SETBP1: variants seen among roughly 807,000 people sequenced by gnomAD.
SETBP1 encodes SET-binding protein.
Under a neutral mutation model 101.0 loss-of-function variants are expected in SETBP1, and 9 were observed. The observed-to-expected ratio is 0.09, with a 90% CI of 0.05 to 0.16. The LOEUF (loss-of-function observed/expected upper bound fraction) is 0.16, where lower values mean the gene tolerates loss of function less well. Among genes scored for constraint, SETBP1 ranks in the 10% least tolerant of loss-of-function variants. The pLI is 1.00. For synonymous variants in SETBP1, 818 were observed against 788.5 expected, an observed-to-expected ratio of 1.04 and a Z score of -0.63; for missense variants, 1,858 against 2,033.8, an observed-to-expected ratio of 0.91 and a Z score of 1.66.
chr18:45,041,191 C>T (rs1307093741), intron 5 of SETBP1, among the ~76,000 whole-genome samples: 1 of 152,180 alleles, frequency 6.6e-6, no homozygotes, highest in African/African-American at 2.4e-5. Context: ...TGAGCAAAGG[C>T]AGATTTTTTT....
chr18:44,761,528 A>G lies in SETBP1; in HGVS notation c.486+59696A>G, dbSNP rs192899067. Among the ~76,000 whole-genome samples the G allele has an allele frequency of 6.4e-4, 97 of 152,348 alleles. 1 individual carries two copies. Among genetic ancestry groups the G allele is most frequent in the African/African-American group, 2.2e-3 (93 of 41,590 alleles). ...ACATGATAGATCATAGCACAGCTAG[A>G]TCAGTCCATGTTGATCCTAACATTC... On this transcript the variant is annotated intron_variant, in intron 2 of 5. Coordinates refer to ENST00000649279, the MANE Select transcript of SETBP1 (RefSeq NM_015559.3).
chr18:44,967,919 G>C (rs1344505209), intron 4 of SETBP1, among the ~76,000 whole-genome samples: 1 of 152,118 alleles, frequency 6.6e-6, no homozygotes, highest in African/African-American at 2.4e-5. Flanking sequence ...GAAGATCCTA[G>C]CATTTTGCCT....
chr18:44,975,820 T>C (rs2071973178), intron 4 of SETBP1, among the ~76,000 whole-genome samples: 1 of 152,082 alleles, frequency 6.6e-6, no homozygotes, highest in Non-Finnish European at 1.5e-5. Flanking sequence ...CTGCAGAAGA[T>C]GGTTTGGGAA....
chr18:44,842,753 C>T (rs2072643421), intron 2 of SETBP1, among the ~76,000 whole-genome samples: 1 of 152,246 alleles, frequency 6.6e-6, no homozygotes, highest in African/African-American at 2.4e-5. Flanking sequence ...CCACACAGTA[C>T]ACACTTCTCT....
chr18:44,797,475 C>G (rs1202384047), intron 2 of SETBP1, among the ~76,000 whole-genome samples: 6 of 152,168 alleles, frequency 3.9e-5, no homozygotes, highest in African/African-American at 7.2e-5. Flanking sequence ...ATGACTTATT[C>G]TCTGTTAACC....
chr18:45,034,341 A>G (rs1411482995), intron 4 of SETBP1, among the ~76,000 whole-genome samples: 1 of 152,160 alleles, frequency 6.6e-6, no homozygotes, highest in African/African-American at 2.4e-5. Context: ...TTAACCTTGA[A>G]CTGAGCTCCA....
intron 2 of SETBP1, among the ~76,000 whole-genome samples, chr18:44,781,505 C>A (rs1204076553): frequency 6.7e-6 from 1 of 149,528 alleles, no homozygotes; most frequent in African/African-American, 2.5e-5. Context: ...CCCTCTCCCC[C>A]CCACCCCCAC....
At chr18:44,692,215 T>C (rs1315516959) in intron 1 of SETBP1, among the ~76,000 whole-genome samples, 2 of 152,210 alleles carry the variant, frequency 1.3e-5, no homozygotes, top group African/African-American at 4.8e-5. Flanking sequence ...GTAAATCAAA[T>C]GTAACAAAAA....
At chr18:44,871,555 G>C (rs898120698) in intron 3 of SETBP1, 2 of 152,202 alleles carry the variant, frequency 1.3e-5, no homozygotes, top group Non-Finnish European at 2.9e-5. Context: ...CTTGATGCCT[G>C]TTCCTGCTTT....
At chr18:44,805,412 GT>G (rs2071708211) in intron 2 of SETBP1, among the ~76,000 whole-genome samples, 1 of 145,234 alleles carries the variant, frequency 6.9e-6, no homozygotes, top group African/African-American at 2.8e-5. Flanking sequence ...GTAAGTGTGT[GT>G]GTGTGTGTGT....
intron 2 of SETBP1, among the ~76,000 whole-genome samples, chr18:44,727,213 T>TGTGTGTGTGTGC (rs982396699): frequency 1.4e-5 from 2 of 142,888 alleles, no homozygotes; most frequent in Admixed American, 1.5e-4. Flanking sequence ...TGTGTGTGTG[T>TGTGTGTGTGTGC]GTGTGTTGAT....
chr18:44,707,709 G>A (rs1292903346), intron 2 of SETBP1, among the ~76,000 whole-genome samples: 1 of 152,226 alleles, frequency 6.6e-6, no homozygotes, highest in Non-Finnish European at 1.5e-5. Context: ...AGTTTCTTAG[G>A]TGTTGTTGAT....
chr18:44,938,153 T>C (rs972445140), intron 3 of SETBP1, among the ~76,000 whole-genome samples: 5 of 152,136 alleles, frequency 3.3e-5, no homozygotes, highest in Non-Finnish European at 7.4e-5. Context: ...GGTCCCTGCG[T>C]TCCTCTGTGC....
chr18:44,682,613 C>T (rs749566133), intron 1 of SETBP1, among the ~76,000 whole-genome samples: 1 of 152,164 alleles, frequency 6.6e-6, no homozygotes, highest in Admixed American at 6.5e-5. Flanking sequence ...TGTGCTTAGT[C>T]TCATTGCCTG....
At chr18:45,036,938 A>G (rs781233540) in intron 4 of SETBP1, among the ~76,000 whole-genome samples, 3 of 152,208 alleles carry the variant, frequency 2.0e-5, no homozygotes, top group Admixed American at 1.3e-4. Flanking sequence ...TAGCTGTATG[A>G]GTGAGTTCAG....
At chr18:44,700,738 AAACT>A (rs1203445398) in intron 1 of SETBP1, among the ~76,000 whole-genome samples, 1 of 152,200 alleles carries the variant, frequency 6.6e-6, no homozygotes, top group East Asian at 1.9e-4. Flanking sequence ...TCAGCTTTGC[AAACT>A]GTTCTTCACA....
At chr18:44,857,311 C>T (rs2072998544) in intron 2 of SETBP1, among the ~76,000 whole-genome samples, 1 of 152,198 alleles carries the variant, frequency 6.6e-6, no homozygotes, top group Non-Finnish European at 1.5e-5. Flanking sequence ...TAGGTAATCT[C>T]TCCCTTTAGT....
Position 45,055,327 on chromosome 18 carries a change from A to G in SETBP1, c.4172-7752A>G, listed in dbSNP as rs2073790843. Among the ~76,000 whole-genome samples, 4 of 152,212 alleles carry G rather than the reference A, an allele frequency of 2.6e-5. 1 individual carries two copies. Among genetic ancestry groups the G allele is most frequent in the African/African-American group, 9.6e-5 (4 of 41,464 alleles). On this transcript the variant is annotated intron_variant, in intron 5 of 5. Transcript: ENST00000649279. The stretch of plus-strand genomic sequence containing the variant: ...AATTTTGAACAGTCATACCATTTAA[A>G]TACATACTAAAAATATGTGCCCTCT...
At chr18:44,883,656 A>G (rs1175764081) in intron 3 of SETBP1, among the ~76,000 whole-genome samples, 1 of 152,204 alleles carries the variant, frequency 6.6e-6, no homozygotes, top group African/African-American at 2.4e-5. Flanking sequence ...TAAACAGCCT[A>G]TGTTTATGAA....
Sources: gnomAD v4.1 joint callset for allele counts (sites outside exome capture counted in the v4.1 genomes callset) on GRCh38, gnomAD v4.1.1 for gene constraint, MANE v1.5 for transcripts, NCBI Gene and HGNC (gene_info 2026-07-23, HGNC 2026-07-21) for gene names.